The following OR7A17 variants were observed in gnomAD, a reference collection of about 807,000 sequenced individuals.
OR7A17 encodes the protein olfactory receptor 7A17.
For missense variants in OR7A17, 366 were observed against 365.5 expected, an observed-to-expected ratio of 1.00 and a Z score of -0.01; for synonymous variants, 159 against 142.1, an observed-to-expected ratio of 1.12 and a Z score of -0.85.
At position 14,881,043 on chromosome 19, in the gene OR7A17, C is replaced by T. The variant is rs544044313; in HGVS notation, c.313G>A (p.Val105Ile). ...AAGCTGTCTAACCCTCCAAAAAGTA[C>T]AAAAAAGCACATCTGGGTGATGCAG... ...AGCITQMCFF[V>I]LFGGLDSLLL... The change falls in exon 3 of 3, where the codon GTA becomes ATA. Residue 105 changes from valine (V) to isoleucine (I), a missense_variant. Transcript: ENST00000641113. 9 of 1,613,970 alleles carry T rather than the reference C, an allele frequency of 5.6e-6. No individual in the cohort carries two copies. Among genetic ancestry groups the T allele is most frequent in the East Asian group, 2.2e-5 (1 of 44,894 alleles).
chr19:14,881,143 G>A lies in OR7A17; in HGVS notation c.213C>T (p.Ile71=), dbSNP rs766279649. The A allele has an allele frequency of 2.5e-6, 4 of 1,614,156 alleles. No individual in the cohort carries two copies. The South Asian group carries it at 4.4e-5, about 18-fold the overall frequency. ...TTGGGATTGTAGTGGAGATGAAACAGATGTCTGCAAAGGACAGGTTGGAGA... is the reference window on the plus strand; with the variant it reads ...TTGGGATTGTAGTGGAGATGAAACAAATGTCTGCAAAGGACAGGTTGGAGA... ...FFLSNLSFAD[I]CFISTTIPKM... Residue 71 remains isoleucine (I), a synonymous_variant, in exon 3 of 3, where the codon ATC becomes ATT. Transcript: ENST00000641113.
chr19:14,880,554 AGTT>A lies in OR7A17; in HGVS notation c.799_801del (p.Asn267del), dbSNP rs765624158. 2.5e-6 allele frequency: 4 copies of A among 1,614,056 alleles called. No homozygotes were observed. The highest frequency in any genetic ancestry group is 3.4e-6 in the Non-Finnish European group (4 of 1,180,010). On this transcript the variant is annotated inframe_deletion, in exon 3 of 3. Coordinates refer to ENST00000641113, the MANE Select transcript of OR7A17 (RefSeq NM_030901.2). The stretch of plus-strand genomic sequence containing the variant: ...ACTGAGGCTGTTGCACTTGTGTGTG[AGTT>A]GTGGGTTGCAGCAGAAGTAAGGTAC...
At position 14,880,612 on chromosome 19, in the gene OR7A17, G is replaced by C. The variant is rs768514566; in HGVS notation, c.744C>G (p.Val248=). Reference sequence around the variant, plus strand: ...CTAGGCCCGTACAACAAAATAAAGAGACAACTGAGAGGTGTGATGCACAGG... The same window carrying C: ...CTAGGCCCGTACAACAAAATAAAGACACAACTGAGAGGTGTGATGCACAGG... ...FSTCASHLSV[V]SLFCCTGLGV... is the part of the protein sequence containing the mutation. The change falls in exon 3 of 3, where the codon GTC becomes GTG. Residue 248 remains valine, a synonymous_variant. Coordinates refer to ENST00000641113, the MANE Select transcript of OR7A17 (RefSeq NM_030901.2). The C allele has an allele frequency of 1.4e-5, 23 of 1,614,028 alleles. 1 individual carries two copies. The South Asian group carries it at 2.2e-4, about 15-fold the overall frequency.
At position 14,881,362 on chromosome 19, in the gene OR7A17, T is replaced by A. The variant is rs1485765936; in HGVS notation, c.-7A>T. On this transcript the variant is annotated 5_prime_UTR_variant, in exon 3 of 3. Transcript: ENST00000641113. ...TGTCATTCTCTGGTTCCATCTTTTT[T>A]TTTCTATTTATTTATTTATTTATTT... The A allele has an allele frequency of 7.9e-7, 1 of 1,263,596 alleles. No homozygotes were observed. The allele number at this position is 1,263,596 out of a possible 1,614,324, so 78.3% of individuals were successfully genotyped here.
At chr19:14,882,098 T>TCA (rs1413133323) in intron 1 of OR7A17, among the ~76,000 whole-genome samples, 1 of 151,934 alleles carries the variant, frequency 6.6e-6, no homozygotes, top group East Asian at 1.9e-4. Flanking sequence ...TCTCTCTCTC[T>TCA]CTCTCTCTCA....
At position 14,880,990 on chromosome 19, in the gene OR7A17, C is replaced by A. The variant is rs1469391496; in HGVS notation, c.366G>T (p.Arg122=). 9.3e-6 allele frequency: 15 copies of A among 1,614,178 alleles called. No individual in the cohort carries two copies. The highest frequency in any genetic ancestry group is 1.3e-5 in the Non-Finnish European group (15 of 1,180,032). ...SLLLAVMAYD[R]FVAICHPLHY... ...GCAGAGGATGACAGATGGCCACAAA[C>A]CGATCATAGGCCATCACAGCCAGGA... Residue 122 remains arginine, a synonymous_variant, in exon 3 of 3, where the codon CGG becomes CGT. Coordinates refer to ENST00000641113, the MANE Select transcript of OR7A17 (RefSeq NM_030901.2).
In OR7A17 at chr19:14,881,020, G is replaced by T. The variant is rs116182024; in HGVS notation, c.336C>A (p.Ser112Arg). Residue 112 changes from serine (S) to arginine (R), a missense_variant, in exon 3 of 3, where the codon AGC (serine) becomes AGA (arginine). Physicochemically the swap from Ser to Arg is moderately radical, Grantham distance 110 (BLOSUM62 -1). Transcript: ENST00000641113. ...CFFVLFGGLD[S>R]LLLAVMAYDR... Reference sequence around the variant, plus strand: ...CATAGGCCATCACAGCCAGGAGTAAGCTGTCTAACCCTCCAAAAAGTACAA... The same window carrying T: ...CATAGGCCATCACAGCCAGGAGTAATCTGTCTAACCCTCCAAAAAGTACAA... 3.7e-4 allele frequency: 596 copies of T among 1,614,198 alleles called. 1 individual carries two copies. The African/African-American group carries it at 4.4e-3, about 12-fold the overall frequency.
Position 14,878,483 on chromosome 19 carries a change from A to T in OR7A17, c.*1943T>A, listed in dbSNP as rs968690261. The T allele has an allele frequency of 2.0e-5, 3 of 152,246 alleles. No individual in the cohort carries two copies. Among genetic ancestry groups the T allele is most frequent in the Admixed American group, 6.5e-5 (1 of 15,282 alleles). The allele number at this position is 152,246 out of a possible 1,614,324, so 9.4% of individuals were successfully genotyped here. A position where few individuals can be genotyped will look rare whatever the true frequency, so the allele number is the denominator to read the frequency against. ...ATATTTTAAAAGGAAGATTTTAAGC[A>T]GGACAACAGAAGGAGTCTTATTTGT... On this transcript the variant is annotated 3_prime_UTR_variant, in exon 3 of 3. Coordinates refer to ENST00000641113, the MANE Select transcript of OR7A17 (RefSeq NM_030901.2).
At chr19:14,882,547 G>A (rs948320566) in intron 1 of OR7A17, among the ~76,000 whole-genome samples, 4 of 152,210 alleles carry the variant, frequency 2.6e-5, no homozygotes, top group Admixed American at 1.3e-4. Context: ...GATGAGAGAT[G>A]GTTTCAGAAG....
Position 14,881,403 on chromosome 19 carries a change from T to A in OR7A17, c.-48A>T, listed in dbSNP as rs985235518. The A allele has an allele frequency of 4.2e-5, 44 of 1,037,220 alleles. No homozygotes were observed. Among genetic ancestry groups the A allele is most frequent in the Middle Eastern group, 3.4e-4 (1 of 2,948 alleles). The allele number at this position is 1,037,220 out of a possible 1,614,324, so 64.3% of individuals were successfully genotyped here. On this transcript the variant is annotated 5_prime_UTR_variant, in exon 3 of 3. Coordinates refer to ENST00000641113, the MANE Select transcript of OR7A17 (RefSeq NM_030901.2). ...TTATTTATTTATTTATTTATTTATTTATTAACATAGACAGGGTCTCTCACT... is the reference window on the plus strand; with the variant it reads ...TTATTTATTTATTTATTTATTTATTAATTAACATAGACAGGGTCTCTCACT...
At position 14,881,365 on chromosome 19, in the gene OR7A17, TCTATTTATTTA is replaced by T. The variant is rs1294359692; in HGVS notation, c.-21_-11del. On this transcript the variant is annotated 5_prime_UTR_variant, in exon 3 of 3. Coordinates refer to ENST00000641113, the MANE Select transcript of OR7A17 (RefSeq NM_030901.2). ...CATTCTCTGGTTCCATCTTTTTTTT[TCTATTTATTTA>T]TTTATTTATTTATTTATTTATTTAT... The T allele has an allele frequency of 1.1e-4, 136 of 1,250,342 alleles. No homozygotes were observed. Among genetic ancestry groups the T allele is most frequent in the East Asian group, 9.0e-4 (31 of 34,482 alleles). The allele number at this position is 1,250,342 out of a possible 1,614,324, so 77.5% of individuals were successfully genotyped here. A position where few individuals can be genotyped will look rare whatever the true frequency, so the allele number is the denominator to read the frequency against.
chr19:14,880,787 G>A lies in OR7A17; in HGVS notation c.569C>T (p.Ser190Phe), dbSNP rs2045104424. The A allele has an allele frequency of 1.2e-6, 2 of 1,614,228 alleles. No homozygotes were observed. Among genetic ancestry groups the A allele is most frequent in the Non-Finnish European group, 1.7e-6 (2 of 1,180,038 alleles). ...CCCCATGTCATTAAGAAAGGTGTCA[G>A]AACAGGCAAGGTGGATGACCTGATT... ...ELNQVIHLAC[S>F]DTFLNDMGMY... The change falls in exon 3 of 3, where the codon TCT becomes TTT. Residue 190 changes from serine (S) to phenylalanine (F), a missense_variant. Coordinates refer to ENST00000641113, the MANE Select transcript of OR7A17 (RefSeq NM_030901.2).
chr19:14,879,719 T>A lies in OR7A17; in HGVS notation c.*707A>T, dbSNP rs1219771433. ...CAGGCGGATCCCCTGAGGGTAGGAG[T>A]TCGAGACCAGCCTGGCCAACATGGT... is the stretch of plus-strand genomic sequence containing the variant. On this transcript the variant is annotated 3_prime_UTR_variant, in exon 3 of 3. Transcript: ENST00000641113. 2.0e-5 allele frequency: 3 copies of A among 151,558 alleles called. No homozygotes were observed. The highest frequency in any genetic ancestry group is 7.3e-5 in the African/African-American group (3 of 41,154). The allele number at this position is 151,558 out of a possible 1,614,324, so 9.4% of individuals were successfully genotyped here.
At chr19:14,883,238 G>A (rs1440898161) in intron 1 of OR7A17, among the ~76,000 whole-genome samples, 1 of 152,194 alleles carries the variant, frequency 6.6e-6, no homozygotes, top group Non-Finnish European at 1.5e-5. Flanking sequence ...TCAGGAGTTC[G>A]AGACCAGCCT....
Position 14,879,362 on chromosome 19 carries a change from A to G in OR7A17, c.*1064T>C, listed in dbSNP as rs2045094613. 1 of 151,654 alleles carries G rather than the reference A, an allele frequency of 6.6e-6. No individual in the cohort carries two copies. Among genetic ancestry groups the G allele is most frequent in the South Asian group, 2.1e-4 (1 of 4,804 alleles). 9.4% of individuals were successfully genotyped at this position (151,654 alleles called of 1,614,324 possible). On this transcript the variant is annotated 3_prime_UTR_variant, in exon 3 of 3. Coordinates refer to ENST00000641113, the MANE Select transcript of OR7A17 (RefSeq NM_030901.2). Reference sequence around the variant, plus strand: ...CTGCAACCTCCGTCTCCCGGGTTCAAACCATTCTCCTGCCTCAGTCTCCTG... The same window carrying G: ...CTGCAACCTCCGTCTCCCGGGTTCAGACCATTCTCCTGCCTCAGTCTCCTG...
Position 14,879,056 on chromosome 19 carries a change from GT to G in OR7A17, c.*1369del, listed in dbSNP as rs1249477848. 8 of 152,096 alleles carry G rather than the reference GT, an allele frequency of 5.3e-5. No individual in the cohort carries two copies. Among genetic ancestry groups the G allele is most frequent in the African/African-American group, 1.9e-4 (8 of 41,414 alleles). The allele number at this position is 152,096 out of a possible 1,614,324, so 9.4% of individuals were successfully genotyped here. On this transcript the variant is annotated 3_prime_UTR_variant, in exon 3 of 3. Coordinates refer to ENST00000641113, the MANE Select transcript of OR7A17 (RefSeq NM_030901.2). ...TATATACTTATGGGGTACATGAGAT[GT>G]TTTGATACAGGCATGCGTTATATAA...
In OR7A17 at chr19:14,880,947, T is replaced by C. The variant is rs1040438384; in HGVS notation, c.409A>G (p.Asn137Asp). The C allele has an allele frequency of 1.9e-6, 3 of 1,614,032 alleles. No homozygotes were observed. The highest frequency in any genetic ancestry group is 2.5e-6 in the Non-Finnish European group (3 of 1,180,040). Residue 137 changes from asparagine to aspartate, a missense_variant, in exon 3 of 3, where the codon AAC becomes GAC. Transcript: ENST00000641113. Reference sequence around the variant, plus strand: ...ACCAGGAGTCCACAGAGCCGAGGGTTCATGATGACTGTGTAGTGCAGAGGA... The same window carrying C: ...ACCAGGAGTCCACAGAGCCGAGGGTCCATGATGACTGTGTAGTGCAGAGGA... ...CHPLHYTVIMNPRLCGLLVLA... is the reference protein window; with the variant it reads ...CHPLHYTVIMDPRLCGLLVLA...
intron 1 of OR7A17, among the ~76,000 whole-genome samples, chr19:14,882,425 T>C (rs770034315): frequency 6.6e-6 from 1 of 151,810 alleles, no homozygotes; most frequent in Non-Finnish European, 1.5e-5. Flanking sequence ...CTTGCTGGAG[T>C]CTGTGCAAGG....
At chr19:14,883,925 G>A (rs547769645) in intron 1 of OR7A17, among the ~76,000 whole-genome samples, 5 of 152,056 alleles carry the variant, frequency 3.3e-5, no homozygotes, top group Non-Finnish European at 5.9e-5. Context: ...AGATACTCTC[G>A]ACTTATTGAA....
Sources: gnomAD v4.1 joint callset for allele counts (sites outside exome capture counted in the v4.1 genomes callset) on GRCh38, gnomAD v4.1.1 for gene constraint, MANE v1.5 for transcripts, NCBI Gene and HGNC (gene_info 2026-07-23, HGNC 2026-07-21) for gene names.